The following DLG2 variants were observed in gnomAD, a reference collection of about 807,000 sequenced individuals.
DLG2 encodes discs large MAGUK scaffold protein 2.
Under a neutral mutation model 132.5 loss-of-function variants are expected in DLG2, and 45 were observed. The ratio of observed to expected loss-of-function variants is 0.34; its 90% CI spans 0.27 to 0.44. DLG2 has a LOEUF of 0.44. Among genes scored for constraint, DLG2 ranks in the 20% least tolerant of loss-of-function variants. The pLI is 1.00. For missense variants in DLG2, 1,045 were observed against 1,196.9 expected (o/e 0.87, Z 1.87); for synonymous variants, 424 against 419.6 (o/e 1.01, Z -0.13).
At chr11:84,955,198 G>A (rs912350388) in intron 6 of DLG2, 1 of 152,180 alleles carries the variant, frequency 6.6e-6, no homozygotes, top group Non-Finnish European at 1.5e-5. Context: ...TTTACCCAAA[G>A]CCTGGTCCAT....
chr11:84,392,844 G>A (rs1023506639), intron 7 of DLG2, among the ~76,000 whole-genome samples: 6 of 152,082 alleles, frequency 3.9e-5, no homozygotes, highest in Non-Finnish European at 8.8e-5. Flanking sequence ...GGCAGTTTGG[G>A]TTCAGGAGCC....
At chr11:85,035,887 T>C (rs1310849757) in intron 6 of DLG2, among the ~76,000 whole-genome samples, 2 of 152,240 alleles carry the variant, frequency 1.3e-5, no homozygotes, top group African/African-American at 2.4e-5. Context: ...GGCTTCTGAA[T>C]ATGTTTATTT....
intron 9 of DLG2, among the ~76,000 whole-genome samples, chr11:84,111,460 T>C (rs1007372540): frequency 6.6e-6 from 1 of 152,204 alleles, no homozygotes; most frequent in Non-Finnish European, 1.5e-5. Flanking sequence ...GGCCCCACTG[T>C]ATTTGCAATT....
chr11:85,367,914 G>C (rs2084677816), intron 3 of DLG2, among the ~76,000 whole-genome samples: 1 of 152,058 alleles, frequency 6.6e-6, no homozygotes, highest in African/African-American at 2.4e-5. Flanking sequence ...TCTTGAATTA[G>C]ATTAGTTCTC....
At chr11:84,674,696 T>C (rs2099709444) in intron 6 of DLG2, among the ~76,000 whole-genome samples, 1 of 152,140 alleles carries the variant, frequency 6.6e-6, no homozygotes, top group African/African-American at 2.4e-5. Flanking sequence ...ATTGACCTCC[T>C]TTTAGTTTTT....
chr11:85,090,009 C>T (rs2068516721), intron 6 of DLG2, among the ~76,000 whole-genome samples: 1 of 152,132 alleles, frequency 6.6e-6, no homozygotes, highest in Non-Finnish European at 1.5e-5. Flanking sequence ...GTTTCATAAA[C>T]ACTTAGTAAC....
chr11:84,742,859 A>G (rs916650038), intron 6 of DLG2, among the ~76,000 whole-genome samples: 2 of 152,114 alleles, frequency 1.3e-5, no homozygotes, highest in African/African-American at 4.8e-5. Flanking sequence ...TACTGTCTCT[A>G]TGGTTTTACC....
Position 83,559,549 on chromosome 11 carries a change from C to T in DLG2, c.1941-17691G>A, listed in dbSNP as rs1020390415. ...GAGACAGATTTAAGTTATTGGTCCA[C>T]AGTTGATCACGGAAGCCATGTTTGG... On this transcript the variant is annotated intron_variant, in intron 19 of 27. Transcript: ENST00000376104. Among the ~76,000 whole-genome samples, 4 of 152,306 alleles carry T rather than the reference C, an allele frequency of 2.6e-5. No homozygotes were observed. The East Asian group carries it at 7.7e-4, about 29-fold the overall frequency.
In DLG2 at chr11:84,098,974, A is replaced by T. The variant is rs185455615; in HGVS notation, c.698T>A (p.Phe233Tyr). 3.7e-5 allele frequency: 60 copies of T among 1,613,732 alleles called. 2 individuals are homozygous for T. In the Admixed American group the frequency reaches 1.0e-3, roughly 27 times the overall value. The change falls in exon 10 of 28, where the codon TTT becomes TAT. Residue 233 changes from phenylalanine to tyrosine, a missense_variant. Phe to Tyr is a conservative substitution (Grantham distance 22, BLOSUM62 3). This residue lies in a region of DLG2 where 109 missense variants were observed against 159.1 expected (regional missense o/e 0.69). Coordinates refer to ENST00000376104, the MANE Select transcript of DLG2 (RefSeq NM_001142699.3). ...NPHIGDDPGI[F>Y]ITKIIPGGAA... ...ACCTCCTGGTATAATCTTCGTAATA[A>T]ATATGCCAGGGTCATCTCCAATGTG...
intron 6 of DLG2, among the ~76,000 whole-genome samples, chr11:84,875,088 C>A (rs928079562): frequency 1.3e-5 from 2 of 150,050 alleles, no homozygotes; most frequent in East Asian, 3.9e-4. Flanking sequence ...GCTGATAAGG[C>A]AGAAAAGTGA....
At chr11:85,002,146 G>A (rs2058273904) in intron 6 of DLG2, among the ~76,000 whole-genome samples, 1 of 151,952 alleles carries the variant, frequency 6.6e-6, no homozygotes, top group South Asian at 2.1e-4. Context: ...CTTCATCCTG[G>A]GATACACAGG....
chr11:84,490,295 A>T (rs2099161509), intron 7 of DLG2, among the ~76,000 whole-genome samples: 1 of 152,202 alleles, frequency 6.6e-6, no homozygotes, highest in South Asian at 2.1e-4. Context: ...ACAAATGGAA[A>T]TGCTTTAATA....
intron 15 of DLG2, among the ~76,000 whole-genome samples, chr11:83,906,053 GTCTCTCTCTCTCTCTC>G (rs57799505): frequency 7.8e-6 from 1 of 128,804 alleles, no homozygotes; most frequent in Admixed American, 8.1e-5. Context: ...CTGTCTGTCT[GTCTCTCTCTCTCTCTC>G]TCTCTCTCTC....
At position 85,200,683 on chromosome 11, in the gene DLG2, G is replaced by A. The variant is rs544948972; in HGVS notation, c.187-46032C>T. Among the ~76,000 whole-genome samples, 4 of 152,244 alleles carry A rather than the reference G, an allele frequency of 2.6e-5. No homozygotes were observed. The East Asian group carries it at 7.7e-4, about 29-fold the overall frequency. ...AGTCTCAGCTTAGGCCCCTCCTGCTGCAGTCAGGAAACTATCTTTGCAGAG... is the reference window on the plus strand; with the variant it reads ...AGTCTCAGCTTAGGCCCCTCCTGCTACAGTCAGGAAACTATCTTTGCAGAG... On this transcript the variant is annotated intron_variant, in intron 4 of 27. Coordinates refer to ENST00000376104, the MANE Select transcript of DLG2 (RefSeq NM_001142699.3).
chr11:83,466,319 G>T (rs191864556), intron 26 of DLG2, among the ~76,000 whole-genome samples: 1 of 152,206 alleles, frequency 6.6e-6, no homozygotes, highest in African/African-American at 2.4e-5. Context: ...ATTAAAAAAT[G>T]ATTGCTTCCT....
upstream of DLG2, chr11:85,627,751 C>A (rs2082101890): frequency 1.3e-5 from 2 of 152,392 alleles, no homozygotes; most frequent in South Asian, 4.2e-4. Context: ...GCCCAAGCCC[C>A]GTTCTTTTAG....
intron 7 of DLG2, among the ~76,000 whole-genome samples, chr11:84,509,068 G>A (rs2099250163): frequency 6.6e-6 from 1 of 152,220 alleles, no homozygotes; most frequent in South Asian, 2.1e-4. Context: ...GCAGACACCT[G>A]AAGGCAGATC....
At chr11:85,228,236 C>G (rs2075090517) in intron 4 of DLG2, among the ~76,000 whole-genome samples, 1 of 152,010 alleles carries the variant, frequency 6.6e-6, no homozygotes, top group Admixed American at 6.6e-5. Flanking sequence ...CTAGTAAAGG[C>G]TAAAGTATGA....
intron 21 of DLG2, among the ~76,000 whole-genome samples, chr11:83,496,579 G>A (rs2094160436): frequency 6.6e-6 from 1 of 152,114 alleles, no homozygotes; most frequent in Admixed American, 6.6e-5. Flanking sequence ...ATACATTGCG[G>A]TATATTCATA....
Sources: allele counts gnomAD v4.1 joint callset (sites outside exome capture counted in the v4.1 genomes callset), GRCh38; gene constraint gnomAD v4.1.1; regional missense constraint gnomAD v4.1.1; transcripts MANE v1.5; gene names NCBI Gene and HGNC (gene_info 2026-07-23, HGNC 2026-07-21).